The following NUMB variants were observed in gnomAD, a reference collection of about 807,000 sequenced individuals.
The protein encoded by NUMB is NUMB endocytic adaptor protein.
In NUMB, 29 loss-of-function variants were observed where a neutral mutation model predicts 59.7. The observed-to-expected ratio is 0.49, with a 90% confidence interval of 0.36 to 0.66. NUMB has a LOEUF of 0.66. Ranked by LOEUF, NUMB falls within the 30% of genes least tolerant of loss-of-function variation. The pLI, the probability that NUMB is intolerant of heterozygous loss-of-function variation, is 0.00. For missense variants in NUMB, 723 were observed against 822.0 expected (o/e 0.88, Z 1.47); for synonymous variants, 288 against 288.2 (o/e 1.00, Z 0.01).
intron 2 of NUMB, among the ~76,000 whole-genome samples, chr14:73,404,863 C>T (rs960893885): frequency 1.3e-5 from 2 of 151,824 alleles, no homozygotes; most frequent in African/African-American, 4.8e-5. Context: ...CGGGTTCAAG[C>T]AATTCTTATG....
chr14:73,296,889 C>T lies in NUMB; in HGVS notation c.309+322G>A, dbSNP rs557675834. ...AATACAAAAATTAGCCAGGCGAGGCCGGGCGCAGTGGCTCACACCTGTAAT... is the reference window on the plus strand; with the variant it reads ...AATACAAAAATTAGCCAGGCGAGGCTGGGCGCAGTGGCTCACACCTGTAAT... On this transcript the variant is annotated intron_variant, in intron 7 of 12. Coordinates refer to ENST00000555238, the MANE Select transcript of NUMB (RefSeq NM_001005743.2). 1.9e-3 allele frequency among the ~76,000 whole-genome samples: 295 copies of T among 151,994 alleles called. 1 individual carries two copies. Among genetic ancestry groups the T allele is most frequent in the African/African-American group, 6.3e-3 (262 of 41,478 alleles).
chr14:73,307,159 A>T (rs1181318159), intron 6 of NUMB, among the ~76,000 whole-genome samples: 1 of 152,072 alleles, frequency 6.6e-6, no homozygotes, highest in Non-Finnish European at 1.5e-5. Flanking sequence ...AATACAAAAA[A>T]TTAGCTGGGT....
intron 1 of NUMB, among the ~76,000 whole-genome samples, chr14:73,436,225 TGAA>T (rs1475152979): frequency 6.6e-6 from 1 of 152,246 alleles, no homozygotes; most frequent in Non-Finnish European, 1.5e-5. Context: ...AGTCTCTAGT[TGAA>T]GATCATTTTG....
intron 2 of NUMB, among the ~76,000 whole-genome samples, chr14:73,369,839 T>C (rs1894574297): frequency 1.3e-5 from 2 of 152,164 alleles, no homozygotes; most frequent in South Asian, 4.1e-4. Flanking sequence ...AAACAGAACA[T>C]TAGTAGCATC....
chr14:73,386,010 G>A lies in NUMB; in HGVS notation c.-100-19029C>T, dbSNP rs77059905. 6.9e-3 allele frequency among the ~76,000 whole-genome samples: 1,043 copies of A among 152,082 alleles called. 5 individuals carry two copies. The highest frequency in any genetic ancestry group is 0.03 in the South Asian group (144 of 4,808). On this transcript the variant is annotated intron_variant, in intron 2 of 12. Transcript: ENST00000555238. ...ATGCTGTCTGACAACCTTAACTAGC[G>A]GGCTTTTCTAGAATATTACCATGAA...
chr14:73,448,284 T>TAC (rs1403121632), intron 1 of NUMB, among the ~76,000 whole-genome samples: 1 of 152,236 alleles, frequency 6.6e-6, no homozygotes, highest in Non-Finnish European at 1.5e-5. Context: ...TGAAGTCTAT[T>TAC]ACATCATGAA....
intron 2 of NUMB, among the ~76,000 whole-genome samples, chr14:73,391,763 T>A (rs1197109343): frequency 6.6e-6 from 1 of 152,226 alleles, no homozygotes; most frequent in Admixed American, 6.5e-5. Flanking sequence ...AATCAAGTGA[T>A]ACCAACAGGT....
intron 1 of NUMB, among the ~76,000 whole-genome samples, chr14:73,452,782 G>A (rs1029669219): frequency 1.3e-5 from 2 of 152,152 alleles, no homozygotes; most frequent in African/African-American, 4.8e-5. Context: ...AATCCACATG[G>A]TCCTTCCAAG....
intron 2 of NUMB, among the ~76,000 whole-genome samples, chr14:73,387,805 A>T (rs1895628336): frequency 6.6e-6 from 1 of 151,834 alleles, no homozygotes; most frequent in Non-Finnish European, 1.5e-5. Flanking sequence ...AGCTATTTTG[A>T]TTTAAATTAA....
chr14:73,295,059 C>CAA (rs1168287763), intron 7 of NUMB, among the ~76,000 whole-genome samples: 16,937 of 66,882 alleles, frequency 0.25, 2,575 homozygotes, highest in East Asian at 0.63. Context: ...GGCACTGTCT[C>CAA]AAAAAAAAAA....
intron 1 of NUMB, among the ~76,000 whole-genome samples, chr14:73,433,874 G>A (rs1897938698): frequency 6.6e-6 from 1 of 152,154 alleles, no homozygotes; most frequent in African/African-American, 2.4e-5. Context: ...TGGATCACCT[G>A]AGGTCAGAAG....
chr14:73,352,266 T>G (rs1255558831), intron 4 of NUMB, among the ~76,000 whole-genome samples: 1 of 151,162 alleles, frequency 6.6e-6, no homozygotes, highest in East Asian at 1.9e-4. Flanking sequence ...CACCTTTTCA[T>G]GTAATTCATT....
At chr14:73,353,007 A>C (rs1179151850) in intron 4 of NUMB, among the ~76,000 whole-genome samples, 2 of 149,616 alleles carry the variant, frequency 1.3e-5, no homozygotes, top group East Asian at 2.0e-4. Flanking sequence ...CATAATACAG[A>C]TCTACCTTAC....
intron 6 of NUMB, among the ~76,000 whole-genome samples, chr14:73,299,545 T>C (rs1280935850): frequency 1.6e-5 from 2 of 123,632 alleles, no homozygotes; most frequent in African/African-American, 3.4e-5. Flanking sequence ...ATATATGTCA[T>C]ATATGTATCA....
chr14:73,345,279 A>C (rs1312486176), intron 4 of NUMB, among the ~76,000 whole-genome samples: 2 of 152,198 alleles, frequency 1.3e-5, no homozygotes, highest in Non-Finnish European at 2.9e-5. Flanking sequence ...CTCACTTATA[A>C]GTGGAAGCTA....
chr14:73,438,744 C>T (rs1017972495), intron 1 of NUMB, among the ~76,000 whole-genome samples: 19 of 150,672 alleles, frequency 1.3e-4, no homozygotes, highest in African/African-American at 4.6e-4. Flanking sequence ...GTAAAATATG[C>T]ACGAAGAAAA....
chr14:73,435,442 T>A (rs7145951), intron 1 of NUMB, among the ~76,000 whole-genome samples: 34,644 of 151,120 alleles, frequency 0.23, 4,031 homozygotes, highest in Non-Finnish European at 0.25. Context: ...CCCAGCTAAT[T>A]TTTTTGTATT....
chr14:73,447,545 A>C (rs940452879), intron 1 of NUMB, among the ~76,000 whole-genome samples: 1 of 151,906 alleles, frequency 6.6e-6, no homozygotes, highest in Non-Finnish European at 1.5e-5. Context: ...GATACTAAGA[A>C]ATGAACAATA....
In NUMB at chr14:73,287,177, A is replaced by G. The variant is rs1889072653; in HGVS notation, c.588T>C (p.Arg196=). ...CTGCTTGTTCAGTGGCTGTTGTGAC[A>G]CGGAATGATCCTTCTCTTGTAAAAG... ...RTTFTREGSF[R]VTTATEQAER... The change falls in exon 9 of 13, where the codon CGT becomes CGC. Residue 196 remains arginine (R), a synonymous_variant. Transcript: ENST00000555238. 6.2e-7 allele frequency: 1 copy of G among 1,613,762 alleles called. No individual in the cohort carries two copies. The highest frequency in any genetic ancestry group is 1.3e-5 in the African/African-American group (1 of 74,838).
Sources: gnomAD v4.1 joint callset for allele counts (sites outside exome capture counted in the v4.1 genomes callset) on GRCh38, gnomAD v4.1.1 for gene constraint, MANE v1.5 for transcripts, NCBI Gene and HGNC (gene_info 2026-07-23, HGNC 2026-07-21) for gene names.